Variants in SOCS7 observed in about 807,000 individuals in gnomAD.
SOCS7 encodes NAP-4.
SOCS7 carries 18 observed loss-of-function variants against 58.9 expected under a neutral mutation model. The observed-to-expected ratio is 0.31, with a 90% CI of 0.21 to 0.45. The LOEUF is 0.45. Among genes scored for constraint, SOCS7 ranks in the 20% least tolerant of loss-of-function variants. The pLI is 1.00. For missense variants in SOCS7, 667 were observed against 837.3 expected (o/e 0.80, Z 2.51); for synonymous variants, 388 against 364.3 (o/e 1.06, Z -0.74).
In SOCS7 at chr17:38,365,357, G is replaced by A. The variant is rs777548712; in HGVS notation, c.1200G>A (p.Gly400=). ...LPTSVLVAPM[G]SSLQSFPLPP... ...CATCTGTCCTTGTGGCTCCGATGGG[G>A]TCTTCCTTGCAGTCTTTCCCCCTAC... The change falls in exon 4 of 10, where the codon GGG becomes GGA. Residue 400 remains glycine, a synonymous_variant. Coordinates refer to ENST00000612932, the MANE Select transcript of SOCS7 (RefSeq NM_014598.4). 3 of 1,613,236 alleles carry A rather than the reference G, an allele frequency of 1.9e-6. No individual in the cohort carries two copies. Among genetic ancestry groups the A allele is most frequent in the Non-Finnish European group, 2.5e-6 (3 of 1,179,612 alleles).
intron 1 of SOCS7, among the ~76,000 whole-genome samples, chr17:38,355,209 A>ATTCATGC (rs2144308426): frequency 6.6e-6 from 1 of 152,318 alleles, no homozygotes; most frequent in Non-Finnish European, 1.5e-5. Flanking sequence ...AGATGACCAA[A>ATTCATGC]TTTGTCACCT....
In SOCS7 at chr17:38,403,863, A is replaced by G. The variant is rs553433324; in HGVS notation, c.*4381A>G. 1.3e-5 allele frequency: 2 copies of G among 152,178 alleles called. No homozygotes were observed. The highest frequency in any genetic ancestry group is 4.8e-5 in the African/African-American group (2 of 41,500). 9.4% of individuals were successfully genotyped at this position (152,178 alleles called of 1,614,324 possible). A position where few individuals can be genotyped will look rare whatever the true frequency, so the allele number is the denominator to read the frequency against. On this transcript the variant is annotated 3_prime_UTR_variant, in exon 10 of 10. Coordinates refer to ENST00000612932, the MANE Select transcript of SOCS7 (RefSeq NM_014598.4). ...GTCAACACAGCTGTTCTTCCACTGA[A>G]TTTGTGCTATTGCATACATGTAGCC...
chr17:38,380,594 A>G (rs939068420), intron 7 of SOCS7, among the ~76,000 whole-genome samples: 1 of 151,108 alleles, frequency 6.6e-6, no homozygotes, highest in Non-Finnish European at 1.5e-5. Flanking sequence ...TTGTGCCACT[A>G]CACTCTAGCC....
intron 6 of SOCS7, among the ~76,000 whole-genome samples, chr17:38,377,302 A>G (rs1259343691): frequency 6.6e-6 from 1 of 152,110 alleles, no homozygotes; most frequent in Non-Finnish European, 1.5e-5. Flanking sequence ...AAAATCTGAA[A>G]CTTTTTGCAC....
At chr17:38,399,226 GGGGTAA>G (rs1186034363) in intron 9 of SOCS7, among the ~76,000 whole-genome samples, 1 of 152,214 alleles carries the variant, frequency 6.6e-6, no homozygotes, top group Non-Finnish European at 1.5e-5. Context: ...AGGAAATGAA[GGGGTAA>G]GGGAAAGGGA....
chr17:38,398,047 G>C (rs536580982), intron 9 of SOCS7, among the ~76,000 whole-genome samples: 1 of 152,198 alleles, frequency 6.6e-6, no homozygotes, highest in Non-Finnish European at 1.5e-5. Flanking sequence ...CAGGCCAGTG[G>C]GTAGCCATTT....
At chr17:38,365,036 T>C (rs949508734) in intron 3 of SOCS7, among the ~76,000 whole-genome samples, 180 bp downstream of exon 3, 1 of 152,226 alleles carries the variant, frequency 6.6e-6, no homozygotes, top group African/African-American at 2.4e-5. Flanking sequence ...CCGCATGCTG[T>C]AATACTTACT....
At chr17:38,360,788 C>G (rs989316747) in intron 1 of SOCS7, among the ~76,000 whole-genome samples, 2 of 152,204 alleles carry the variant, frequency 1.3e-5, no homozygotes. Context: ...ATCCGCCTGC[C>G]TTGGCCTCCC....
chr17:38,366,070 A>C, intron 4 of SOCS7: 1 of 1,259,268 alleles, frequency 7.9e-7, no homozygotes, highest in Non-Finnish European at 1.0e-6. Flanking sequence ...TCTTGGGGTC[A>C]AGTGCCCCCA....
intron 6 of SOCS7, among the ~76,000 whole-genome samples, chr17:38,370,908 CA>C (rs2037855008): frequency 6.6e-6 from 1 of 152,142 alleles, no homozygotes; most frequent in Non-Finnish European, 1.5e-5. Context: ...CTCGGCCTCC[CA>C]AAGTGTTGGG....
chr17:38,393,857 G>A (rs1370090498), intron 7 of SOCS7, among the ~76,000 whole-genome samples: 1 of 152,154 alleles, frequency 6.6e-6, no homozygotes, highest in Non-Finnish European at 1.5e-5. Flanking sequence ...CCGAGATCGC[G>A]CCACTGCACC....
intron 9 of SOCS7, among the ~76,000 whole-genome samples, chr17:38,399,167 C>T (rs2038286625): frequency 6.6e-6 from 1 of 151,846 alleles, no homozygotes; most frequent in African/African-American, 2.4e-5. Flanking sequence ...CAGGGGCTTA[C>T]TTCCCTTTTC....
intron 6 of SOCS7, 146 bp downstream of exon 6, chr17:38,368,196 G>A (rs186643475): frequency 1.1e-3 from 698 of 643,716 alleles, no homozygotes; most frequent in Non-Finnish European, 1.4e-3. Context: ...TGATATGAGC[G>A]CTGATTTCCG....
chr17:38,396,057 C>T, intron 9 of SOCS7, 59 bp downstream of exon 9: 1 of 1,416,828 alleles, frequency 7.1e-7, no homozygotes, highest in Non-Finnish European at 9.4e-7. Context: ...CATCATCATG[C>T]ATTGAGCCTT....
intron 6 of SOCS7, among the ~76,000 whole-genome samples, chr17:38,371,082 T>G (rs775088148): frequency 6.6e-6 from 1 of 152,206 alleles, no homozygotes; most frequent in Non-Finnish European, 1.5e-5. Flanking sequence ...TTCTCTTGAC[T>G]GATTAGTATC....
chr17:38,364,879 C>A lies in SOCS7; in HGVS notation c.1150+23C>A, dbSNP rs2037768318. On this transcript the variant is annotated intron_variant, in intron 3 of 9. Transcript: ENST00000612932. The stretch of plus-strand genomic sequence containing the variant: ...TAGGTATAGTTTCTTCCCCTCTCCA[C>A]CTTCTTGCCTAGTGGGAGGGTGAGC... 6 of 1,535,990 alleles carry A rather than the reference C, an allele frequency of 3.9e-6. No homozygotes were observed. In the East Asian group the frequency reaches 1.3e-4, roughly 34 times the overall value.
intron 9 of SOCS7, among the ~76,000 whole-genome samples, chr17:38,398,279 G>A (rs2038270226): frequency 7.3e-6 from 1 of 137,182 alleles, no homozygotes; most frequent in African/African-American, 2.7e-5. Context: ...TTTCGCTCTT[G>A]TTGCCCGGGC....
intron 6 of SOCS7, among the ~76,000 whole-genome samples, chr17:38,376,688 C>T (rs1050159254): frequency 7.3e-5 from 11 of 151,442 alleles, no homozygotes; most frequent in Admixed American, 5.3e-4. Context: ...GCCAAGATCA[C>T]GCCACTACAC....
intron 7 of SOCS7, among the ~76,000 whole-genome samples, chr17:38,383,160 A>G (rs1338905516): frequency 6.6e-6 from 1 of 152,182 alleles, no homozygotes; most frequent in Non-Finnish European, 1.5e-5. Flanking sequence ...GCCAGTTACT[A>G]GCTCTGTGAT....
Sources: allele counts gnomAD v4.1 joint callset (sites outside exome capture counted in the v4.1 genomes callset), GRCh38; gene constraint gnomAD v4.1.1; transcripts MANE v1.5; gene names NCBI Gene and HGNC (gene_info 2026-07-23, HGNC 2026-07-21).